The following HIBCH variants were observed in gnomAD, a reference collection of about 807,000 sequenced individuals.
The protein encoded by HIBCH is 3-hydroxyisobutyryl-CoA hydrolase, also known as 3-hydroxyisobutyryl-CoA hydrolase, mitochondrial.
A neutral mutation model predicts 58.2 loss-of-function variants in HIBCH; 50 were observed. The ratio of observed to expected loss-of-function variants is 0.86; its 90% CI spans 0.68 to 1.09. The LOEUF is 1.09. Among genes scored for constraint, HIBCH ranks in the 50% least tolerant of loss-of-function variants. HIBCH has a pLI of 0.00. For synonymous variants in HIBCH, 151 were observed against 146.9 expected (o/e 1.03, Z -0.20); for missense variants, 450 against 449.7 (o/e 1.00, Z -0.01).
intron 4 of HIBCH, 106 bp downstream of exon 4, chr2:190,294,440 A>G (rs1688051288): frequency 6.5e-6 from 5 of 769,746 alleles, no homozygotes; most frequent in Non-Finnish European, 1.1e-5. Context: ...TATAATAAAA[A>G]GTTCTAAAAA....
At chr2:190,317,685 C>T (rs1688738455) in intron 1 of HIBCH, among the ~76,000 whole-genome samples, 1 of 152,134 alleles carries the variant, frequency 6.6e-6, no homozygotes, top group Non-Finnish European at 1.5e-5. Flanking sequence ...ACTGTTGAAA[C>T]CTGAATCCAC....
chr2:190,230,468 G>A (rs779199845), intron 11 of HIBCH, among the ~76,000 whole-genome samples: 34 of 152,186 alleles, frequency 2.2e-4, no homozygotes, highest in Middle Eastern at 3.2e-3. Flanking sequence ...AGGCCAAGGC[G>A]GGCAGATCAC....
At chr2:190,193,105 T>TCA (rs1689793766) in intron 1 of HIBCH, among the ~76,000 whole-genome samples, 1 of 152,132 alleles carries the variant, frequency 6.6e-6, no homozygotes, top group Non-Finnish European at 1.5e-5. Flanking sequence ...GTGTTGTCTT[T>TCA]CACCACTAAC....
At chr2:190,286,873 AAACTC>A in intron 6 of HIBCH, among the ~76,000 whole-genome samples, 1 of 151,998 alleles carries the variant, frequency 6.6e-6, no homozygotes, top group South Asian at 2.1e-4. Context: ...AAAAAAAAAA[AAACTC>A]AACATTCTAG....
At chr2:190,286,370 G>T (rs747565870) in intron 6 of HIBCH, among the ~76,000 whole-genome samples, 11 of 152,084 alleles carry the variant, frequency 7.2e-5, no homozygotes, top group Non-Finnish European at 1.2e-4. Flanking sequence ...GGGTCTTTGG[G>T]TCTTCTTTTC....
chr2:190,215,535 G>A lies in HIBCH; in HGVS notation c.892-2460C>T, dbSNP rs973149141. The A allele has an allele frequency of 6.6e-6, 1 of 152,300 alleles. No homozygotes were observed. Among genetic ancestry groups the A allele is most frequent in the African/African-American group, 2.4e-5 (1 of 41,558 alleles). The allele number at this position is 152,300 out of a possible 1,614,324, so 9.4% of individuals were successfully genotyped here. A position where few individuals can be genotyped will look rare whatever the true frequency, so the allele number is the denominator to read the frequency against. ...AGGATTAAATCCAGAGGACCCAGTA[G>A]GGCAAGGCCTTTAATTTTAAAGGTT... is the stretch of plus-strand genomic sequence containing the variant. On this transcript the variant is annotated intron_variant, in intron 11 of 13. Coordinates refer to ENST00000359678, the MANE Select transcript of HIBCH (RefSeq NM_014362.4). This position sits in a 1 kb window ranked among gnomAD's most constrained non-coding sequence, Gnocchi z 4.4.
At chr2:190,303,658 A>T (rs1688327638) in intron 2 of HIBCH, among the ~76,000 whole-genome samples, 1 of 152,218 alleles carries the variant, frequency 6.6e-6, no homozygotes, top group South Asian at 2.1e-4. Context: ...ATATGTAGTT[A>T]TCTCCCTTCC....
chr2:190,261,520 C>T (rs291418), intron 6 of HIBCH, among the ~76,000 whole-genome samples: 1 of 151,826 alleles, frequency 6.6e-6, no homozygotes, highest in South Asian at 2.1e-4. Context: ...AGCTATTATC[C>T]ATTTGGTAAG....
chr2:190,223,968 T>C (rs888865100), intron 11 of HIBCH, among the ~76,000 whole-genome samples: 4 of 152,186 alleles, frequency 2.6e-5, no homozygotes, highest in Admixed American at 6.5e-5. Context: ...TCGCCTCACC[T>C]GAGAAGCAAA....
intron 6 of HIBCH, among the ~76,000 whole-genome samples, chr2:190,264,082 T>C (rs1001453518): frequency 6.6e-6 from 1 of 152,124 alleles, no homozygotes; most frequent in Non-Finnish European, 1.5e-5. Flanking sequence ...AAAGCACGCT[T>C]ATTAAAATGT....
intron 6 of HIBCH, among the ~76,000 whole-genome samples, chr2:190,272,128 C>G (rs1384226362): frequency 6.6e-6 from 1 of 152,160 alleles, no homozygotes; most frequent in Admixed American, 6.5e-5. Flanking sequence ...CTACACTATT[C>G]GCACATACAC....
chr2:190,190,681 G>A (rs950424160), intron 1 of HIBCH, among the ~76,000 whole-genome samples: 1 of 152,096 alleles, frequency 6.6e-6, no homozygotes, highest in East Asian at 1.9e-4. Context: ...CAATATATGC[G>A]TTGCATGTCC....
At chr2:190,291,474 G>A (rs1219080183) in intron 4 of HIBCH, among the ~76,000 whole-genome samples, 2 of 152,126 alleles carry the variant, frequency 1.3e-5, no homozygotes, top group East Asian at 1.9e-4. Context: ...TTCTGACTAG[G>A]GGAAGCAGTA....
At chr2:190,268,189 TTG>T (rs1687294325) in intron 6 of HIBCH, among the ~76,000 whole-genome samples, 2 of 152,218 alleles carry the variant, frequency 1.3e-5, no homozygotes. Flanking sequence ...ATAAAGGTTT[TTG>T]CCATAAAACG....
intron 2 of HIBCH, among the ~76,000 whole-genome samples, chr2:190,297,658 T>C (rs1688139131): frequency 6.6e-6 from 1 of 152,136 alleles, no homozygotes; most frequent in Non-Finnish European, 1.5e-5. Context: ...TATTTTGCAG[T>C]ATTAACTAAT....
Position 190,237,705 on chromosome 2 carries a change from AG to A in HIBCH, c.891+7181del, listed in dbSNP as rs557277775. ...TTATATATACGTGTGCAGAACGTGC[AG>A]GTTTGTTACATAGGTATACACGTGC... is the stretch of plus-strand genomic sequence containing the variant. On this transcript the variant is annotated intron_variant, in intron 11 of 13. Transcript: ENST00000359678. 5.0e-3 allele frequency among the ~76,000 whole-genome samples: 757 copies of A among 152,206 alleles called. 20 individuals carry two copies. Among genetic ancestry groups the A allele is most frequent in the East Asian group, 1.4e-3 (7 of 5,184 alleles).
At chr2:190,269,371 T>C (rs1263903843) in intron 6 of HIBCH, among the ~76,000 whole-genome samples, 1 of 151,692 alleles carries the variant, frequency 6.6e-6, no homozygotes, top group Non-Finnish European at 1.5e-5. Context: ...TACAAGGAAC[T>C]GAAACAAATT....
At chr2:190,278,512 G>T (rs1687619987) in intron 6 of HIBCH, among the ~76,000 whole-genome samples, 1 of 152,162 alleles carries the variant, frequency 6.6e-6, no homozygotes, top group Non-Finnish European at 1.5e-5. Flanking sequence ...CCTAGAATCT[G>T]CTTTTTAACA....
downstream of HIBCH, chr2:190,200,022 C>CAATACTGTGATCTTGGAATA (rs780322268): frequency 1.4e-5 from 22 of 1,613,896 alleles, no homozygotes; most frequent in Admixed American, 3.5e-4. Flanking sequence ...CTCCAGGGAC[C>CAATACTGTGATCTTGGAATA]AATACTGTGA....
Sources: allele counts gnomAD v4.1 joint callset (sites outside exome capture counted in the v4.1 genomes callset), GRCh38; gene constraint gnomAD v4.1.1; non-coding constraint Gnocchi (gnomAD v3.1); transcripts MANE v1.5; gene names NCBI Gene and HGNC (gene_info 2026-07-23, HGNC 2026-07-21).